The following UBE3A variants were observed in gnomAD, a reference collection of about 807,000 sequenced individuals.
The protein encoded by UBE3A is ubiquitin protein ligase E3A, also known as ubiquitin-protein ligase E3A.
UBE3A carries 6 observed loss-of-function variants against 83.4 expected under a neutral mutation model. The observed-to-expected ratio is 0.07, with a 90% confidence interval of 0.04 to 0.14. The LOEUF (loss-of-function observed/expected upper bound fraction) is 0.14. UBE3A is among the 10% of genes least tolerant of loss of function. The pLI is 1.00. For synonymous variants in UBE3A, 337 were observed against 355.4 expected (o/e 0.95, Z 0.58); for missense variants, 456 against 1,036.1 (o/e 0.44, Z 7.69).
At chr15:25,347,442 C>T (rs989869922) in intron 11 of UBE3A, among the ~76,000 whole-genome samples, 3 of 152,154 alleles carry the variant, frequency 2.0e-5, no homozygotes, top group Non-Finnish European at 2.9e-5. Context: ...TGGCTCATGC[C>T]TGTAATTCCA....
At chr15:25,367,223 ACATATTTGTAAATATGTAAATATTTG>A (rs1164371115) in intron 6 of UBE3A, among the ~76,000 whole-genome samples, 886 of 56,302 alleles carry the variant, frequency 0.016, 10 homozygotes, top group African/African-American at 0.067. Context: ...GTAAATATTT[ACATATTTGTAAATATGTAAATATTTG>A]CATATTTGTA....
intron 4 of UBE3A, among the ~76,000 whole-genome samples, chr15:25,385,959 AAG>A (rs1186599948): frequency 6.6e-6 from 1 of 152,302 alleles, no homozygotes; most frequent in East Asian, 1.9e-4. Context: ...AGGGGAGGCA[AAG>A]AGAAATGATT....
At chr15:25,386,330 T>G (rs1319801304) in intron 4 of UBE3A, among the ~76,000 whole-genome samples, 2 of 151,866 alleles carry the variant, frequency 1.3e-5, no homozygotes, top group Admixed American at 1.3e-4. Flanking sequence ...AAGAAAAAAA[T>G]TACAGGGCAT....
chr15:25,382,363 A>G (rs912856657), intron 4 of UBE3A, among the ~76,000 whole-genome samples: 2 of 151,456 alleles, frequency 1.3e-5, no homozygotes, highest in Admixed American at 6.6e-5. Flanking sequence ...TTTCATTTTT[A>G]TAGTCTCAAT....
rs143000400 is a variant in UBE3A at position 25,370,995 on chromosome 15, A to G, written c.1179T>C (p.Asp393=). 134 of 1,613,882 alleles carry G rather than the reference A, an allele frequency of 8.3e-5. No homozygotes were observed. The highest frequency in any genetic ancestry group is 1.1e-4 in the Non-Finnish European group (125 of 1,180,002). Residue 393 remains aspartate, a synonymous_variant, in exon 6 of 13, where the codon GAT becomes GAC. Transcript: ENST00000648336. This position sits in a 1 kb window ranked among gnomAD's most constrained non-coding sequence, Gnocchi z 4.2. ...TGGACTCAGGGATGGGCTCTTCATC[A>G]TCTTCTTCATTGTGATTTGTGTCCA... The part of the protein sequence containing the change: ...GEVDTNHNEE[D]DEEPIPESSE...
chr15:25,379,369 T>G (rs779833379), intron 4 of UBE3A, among the ~76,000 whole-genome samples: 1 of 152,166 alleles, frequency 6.6e-6, no homozygotes, highest in Non-Finnish European at 1.5e-5. Context: ...AGATTTGAAC[T>G]CAGCTACTAA....
intron 11 of UBE3A, among the ~76,000 whole-genome samples, chr15:25,341,054 A>G (rs573296183): frequency 2.8e-4 from 43 of 152,200 alleles, no homozygotes; most frequent in Admixed American, 2.0e-3. Flanking sequence ...ACATATATAC[A>G]CTAGTTCATA....
chr15:25,435,758 C>T (rs1224785439), intron 1 of UBE3A, among the ~76,000 whole-genome samples: 1 of 152,052 alleles, frequency 6.6e-6, no homozygotes, highest in Non-Finnish European at 1.5e-5. Context: ...TAATAGCAGC[C>T]AGAACAGACT....
At chr15:25,356,147 T>C (rs1348554916) in intron 8 of UBE3A, 91 bp from the exon 9 acceptor site, 2 of 1,483,016 alleles carry the variant, frequency 1.3e-6, no homozygotes, top group African/African-American at 1.4e-5. Context: ...ACAACAAAAA[T>C]CTTATCAATA....
chr15:25,374,552 G>A (rs2080866439), intron 5 of UBE3A: 1 of 152,238 alleles, frequency 6.6e-6, no homozygotes, highest in African/African-American at 2.4e-5. Context: ...AAGCAACAAA[G>A]TTGTGTAAAG....
At chr15:25,361,573 A>G (rs536104000) in intron 6 of UBE3A, among the ~76,000 whole-genome samples, 1 of 152,270 alleles carries the variant, frequency 6.6e-6, no homozygotes, top group South Asian at 2.1e-4. Context: ...AGATTCCAAT[A>G]TTAACTGTTT....
chr15:25,393,239 G>C (rs2084819437), intron 4 of UBE3A, among the ~76,000 whole-genome samples: 1 of 152,194 alleles, frequency 6.6e-6, no homozygotes, highest in African/African-American at 2.4e-5. Context: ...TAGTTTGTAA[G>C]AGGTAAATAA....
At chr15:25,356,179 A>T in intron 8 of UBE3A, 123 bp from the exon 9 acceptor site, 1 of 1,217,870 alleles carries the variant, frequency 8.2e-7, no homozygotes, top group South Asian at 1.2e-5. Flanking sequence ...AAGTGTAGAC[A>T]GTATCCCTCC....
chr15:25,419,590 A>G (rs1888713588), intron 1 of UBE3A: 2 of 152,146 alleles, frequency 1.3e-5, no homozygotes, highest in South Asian at 4.1e-4. Context: ...CACAAAGAAA[A>G]ATAAATAAAA....
At chr15:25,341,224 C>G (rs1343147288) in intron 11 of UBE3A, among the ~76,000 whole-genome samples, 1 of 120,214 alleles carries the variant, frequency 8.3e-6, no homozygotes, top group Admixed American at 8.9e-5. Context: ...TGCCTGCCAC[C>G]ACGCCTGGCT....
intron 4 of UBE3A, among the ~76,000 whole-genome samples, chr15:25,402,782 T>C (rs2087494098): frequency 6.6e-6 from 1 of 152,220 alleles, no homozygotes; most frequent in Non-Finnish European, 1.5e-5. Context: ...CTTTTCAATG[T>C]GTCTTTTCTT....
intron 1 of UBE3A, among the ~76,000 whole-genome samples, chr15:25,432,420 C>G (rs746740418): frequency 3.6e-4 from 55 of 152,194 alleles, no homozygotes; most frequent in Admixed American, 2.6e-4. Context: ...GATTTCATTA[C>G]ATGAAAAGAA....
intron 6 of UBE3A, among the ~76,000 whole-genome samples, chr15:25,366,939 T>TTTTA (rs532640192): frequency 2.1e-4 from 32 of 151,886 alleles, no homozygotes; most frequent in Admixed American, 6.5e-4. Flanking sequence ...GGGCCCTGGA[T>TTTTA]TTTATTTATT....
intron 1 of UBE3A, among the ~76,000 whole-genome samples, chr15:25,413,667 ATCT>A (rs2090396974): frequency 6.6e-6 from 1 of 152,104 alleles, no homozygotes; most frequent in Non-Finnish European, 1.5e-5. Flanking sequence ...CCATTTCTTT[ATCT>A]TCTTTCCTTT....
Sources: gnomAD v4.1 joint callset for allele counts (sites outside exome capture counted in the v4.1 genomes callset) on GRCh38, gnomAD v4.1.1 for gene constraint, Gnocchi (gnomAD v3.1) non-coding constraint, MANE v1.5 for transcripts, NCBI Gene and HGNC (gene_info 2026-07-23, HGNC 2026-07-21) for gene names.